ETS1: variants seen among roughly 807,000 people sequenced by gnomAD.
ETS1 encodes the protein ETS proto-oncogene 1, transcription factor.
In ETS1, 15 loss-of-function variants were observed where a neutral mutation model predicts 58.6. The ratio of observed to expected loss-of-function variants is 0.26; its 90% CI spans 0.17 to 0.39. ETS1 has a LOEUF of 0.39. Among genes scored for constraint, ETS1 ranks in the 10% least tolerant of loss-of-function variants. ETS1 has a pLI of 1.00. For synonymous variants in ETS1, 214 were observed against 218.2 expected (o/e 0.98, Z 0.17); for missense variants, 417 against 610.5 (o/e 0.68, Z 3.34).
intron 2 of ETS1, among the ~76,000 whole-genome samples, chr11:128,565,359 G>A (rs374024057): frequency 6.6e-6 from 1 of 152,300 alleles, no homozygotes; most frequent in East Asian, 1.9e-4. Context: ...GACTGCCAAT[G>A]CCTTGATCTT....
intron 5 of ETS1, among the ~76,000 whole-genome samples, chr11:128,487,043 T>C (rs896328596): frequency 6.6e-6 from 1 of 152,240 alleles, no homozygotes; most frequent in African/African-American, 2.4e-5. Context: ...CAGTTCCCAG[T>C]TGAGATAAAA....
rs774575276 is a variant in ETS1 at position 128,462,396 on chromosome 11, C to T, written c.1423G>A (p.Ala475Thr). ...LLGYTPEELHAMLDVKPDADE is the reference protein window; with the variant it reads ...LLGYTPEELHTMLDVKPDADE The stretch of plus-strand genomic sequence containing the variant: ...GCATCTGGCTTGACGTCCAGCATGG[C>T]GTGCAGCTCCTCAGGGGTGTACCCC... Residue 475 changes from alanine to threonine, a missense_variant, in exon 10 of 10, where the codon GCC (alanine) becomes ACC (threonine). By Grantham distance (58) the Ala-to-Thr change is moderately conservative. Transcript: ENST00000392668. 13 of 1,613,844 alleles carry T rather than the reference C, an allele frequency of 8.1e-6. No individual in the cohort carries two copies. Among genetic ancestry groups the T allele is most frequent in the Middle Eastern group, 1.6e-4 (1 of 6,074 alleles).
Position 128,459,326 on chromosome 11 carries a change from G to A in ETS1, c.*3035C>T, listed in dbSNP as rs927834067. 1 of 152,726 alleles carries A rather than the reference G, an allele frequency of 6.5e-6. No homozygotes were observed. The highest frequency in any genetic ancestry group is 2.4e-5 in the African/African-American group (1 of 41,436). The allele number at this position is 152,726 out of a possible 1,614,324, so 9.5% of individuals were successfully genotyped here. A position where few individuals can be genotyped will look rare whatever the true frequency, so the allele number is the denominator to read the frequency against. On this transcript the variant is annotated 3_prime_UTR_variant, in exon 10 of 10. Coordinates refer to ENST00000392668, the MANE Select transcript of ETS1 (RefSeq NM_001143820.2). ...CGGCATGCACAGCATGACTAGAAGA[G>A]AGATGGTGTATTTCTCACCATGAAG...
chr11:128,562,181 C>T (rs954622471), intron 2 of ETS1, among the ~76,000 whole-genome samples: 6 of 152,214 alleles, frequency 3.9e-5, no homozygotes, highest in East Asian at 3.9e-4. Context: ...GAGGCCAAGG[C>T]GGGCAGATCA....
At chr11:128,576,662 G>T (rs1270881275) in intron 1 of ETS1, among the ~76,000 whole-genome samples, 1 of 152,084 alleles carries the variant, frequency 6.6e-6, no homozygotes, top group Non-Finnish European at 1.5e-5. Context: ...CCCTGCTCTG[G>T]ACTGTGGCTT....
intron 1 of ETS1, among the ~76,000 whole-genome samples, chr11:128,576,811 C>T (rs966632080): frequency 6.6e-6 from 1 of 152,006 alleles, no homozygotes; most frequent in Admixed American, 6.6e-5. Flanking sequence ...TCTCATGTTA[C>T]CCCCTCTGCT....
Position 128,463,208 on chromosome 11 carries a change from G to A in ETS1, c.1242+301C>T, listed in dbSNP as rs1421440312. ...CCCCTTTCACACTCACAGAGCCACC[G>A]GGCTAGGAAGAGGCTAAGTCACAGG... On this transcript the variant is annotated intron_variant, in intron 9 of 9. Transcript: ENST00000392668. This position sits in a 1 kb window ranked among gnomAD's most constrained non-coding sequence, Gnocchi z 4.1. Among the ~76,000 whole-genome samples, 3 of 152,142 alleles carry A rather than the reference G, an allele frequency of 2.0e-5. No individual in the cohort carries two copies. The highest frequency in any genetic ancestry group is 6.5e-5 in the Admixed American group (1 of 15,278).
intron 2 of ETS1, among the ~76,000 whole-genome samples, chr11:128,568,065 C>G (rs1864541098): frequency 6.6e-6 from 1 of 152,212 alleles, no homozygotes; most frequent in Non-Finnish European, 1.5e-5. Context: ...TAGGTGCCTT[C>G]CCTGAGGTGG....
Position 128,463,402 on chromosome 11 carries a change from C to A in ETS1, c.1242+107G>T. 2.8e-6 allele frequency: 2 copies of A among 709,288 alleles called. No individual in the cohort carries two copies. The highest frequency in any genetic ancestry group is 5.1e-6 in the Non-Finnish European group (2 of 393,480). The allele number at this position is 709,288 out of a possible 1,614,324, so 43.9% of individuals were successfully genotyped here. A position where few individuals can be genotyped will look rare whatever the true frequency, so the allele number is the denominator to read the frequency against. ...TTGCTCCGGGTGGCAAGTGGCAGAG[C>A]TGGGAATCCCAATCCTGGAACACGT... On this transcript the variant is annotated intron_variant, in intron 9 of 9. Transcript: ENST00000392668. The surrounding 1 kb of genome is among the most constrained non-coding windows in gnomAD (Gnocchi z 4.1).
At chr11:128,499,446 A>G (rs1316408239) in intron 3 of ETS1, among the ~76,000 whole-genome samples, 1 of 152,214 alleles carries the variant, frequency 6.6e-6, no homozygotes, top group African/African-American at 2.4e-5. Flanking sequence ...TTTATCATGT[A>G]GGTGAGGAAA....
intron 3 of ETS1, among the ~76,000 whole-genome samples, chr11:128,509,299 T>C (rs956495480): frequency 2.0e-5 from 3 of 152,220 alleles, no homozygotes; most frequent in African/African-American, 7.2e-5. Context: ...ATTCATTCTG[T>C]GTGTGTGTTT....
intron 3 of ETS1, among the ~76,000 whole-genome samples, chr11:128,543,193 CA>C (rs66563990): frequency 0.069 from 5,993 of 87,028 alleles, 129 homozygotes; most frequent in African/African-American, 0.12. Context: ...AACTCTGTCT[CA>C]AAAAAAAAAA....
In ETS1 at chr11:128,556,187, C is replaced by A. The variant is rs1017537279; in HGVS notation, c.214+104G>T. The A allele has an allele frequency of 5.0e-6, 5 of 1,007,752 alleles. No homozygotes were observed. In the Admixed American group the frequency reaches 1.3e-4, roughly 26 times the overall value. The allele number at this position is 1,007,752 out of a possible 1,614,324, so 62.4% of individuals were successfully genotyped here. ...CATTCAAGAACAATAGCATCTGTAC[C>A]CGCATAAGCCATGGCAGCTGTTATT... On this transcript the variant is annotated intron_variant, in intron 3 of 9. Transcript: ENST00000392668.
chr11:128,507,202 T>C (rs959075908), intron 3 of ETS1, among the ~76,000 whole-genome samples: 6 of 152,114 alleles, frequency 3.9e-5, no homozygotes, highest in Admixed American at 2.6e-4. Flanking sequence ...ATTGGTTCCC[T>C]GGCCCTGACT....
intron 3 of ETS1, among the ~76,000 whole-genome samples, chr11:128,491,741 C>T (rs1022891430): frequency 3.3e-5 from 5 of 152,134 alleles, no homozygotes; most frequent in African/African-American, 1.2e-4. Flanking sequence ...ACAAAAGTGG[C>T]AAGGCAGATA....
chr11:128,486,810 G>C (rs1862645341), intron 5 of ETS1, among the ~76,000 whole-genome samples: 1 of 152,212 alleles, frequency 6.6e-6, no homozygotes, highest in African/African-American at 2.4e-5. Context: ...GAGACGAAGT[G>C]CACCTGCGGA....
At chr11:128,580,934 C>T (rs1269727506) in intron 1 of ETS1, among the ~76,000 whole-genome samples, 4 of 152,082 alleles carry the variant, frequency 2.6e-5, no homozygotes, top group Admixed American at 6.6e-5. Flanking sequence ...CATAGCTCAA[C>T]GAATCCTTCT....
At chr11:128,577,972 C>T (rs1232204928) in intron 1 of ETS1, among the ~76,000 whole-genome samples, 2 of 151,664 alleles carry the variant, frequency 1.3e-5, no homozygotes, top group Non-Finnish European at 2.9e-5. Context: ...CCTCATCACC[C>T]TGGATGGCGA....
chr11:128,494,264 G>T lies in ETS1; in HGVS notation c.215-3688C>A, dbSNP rs980599433. Among the ~76,000 whole-genome samples the T allele has an allele frequency of 2.6e-5, 4 of 152,146 alleles. No individual in the cohort carries two copies. In the East Asian group the frequency reaches 7.7e-4, roughly 29 times the overall value. On this transcript the variant is annotated intron_variant, in intron 3 of 9. Transcript: ENST00000392668. ...TAAACACAACGCACTGGAAAATGAGGACATAAATATATTGCAATTATATTA... is the reference window on the plus strand; with the variant it reads ...TAAACACAACGCACTGGAAAATGAGTACATAAATATATTGCAATTATATTA...
Sources: allele counts gnomAD v4.1 joint callset (sites outside exome capture counted in the v4.1 genomes callset), GRCh38; gene constraint gnomAD v4.1.1; non-coding constraint Gnocchi (gnomAD v3.1); transcripts MANE v1.5; gene names NCBI Gene and HGNC (gene_info 2026-07-23, HGNC 2026-07-21).